Variants in NTM observed in about 807,000 individuals in gnomAD.
NTM encodes the protein neurotrimin, also known as IgLON family member 2.
Under a neutral mutation model 42.1 loss-of-function variants are expected in NTM, and 13 were observed. The observed-to-expected ratio is 0.31, with a 90% CI of 0.20 to 0.49. NTM has a LOEUF of 0.49. Ranked by LOEUF, NTM falls within the 20% of genes least tolerant of loss-of-function variation. The pLI, the probability that NTM is intolerant of heterozygous loss-of-function variation, is 0.99. For missense variants in NTM, 373 were observed against 452.8 expected, an observed-to-expected ratio of 0.82 and a Z score of 1.60; for synonymous variants, 187 against 179.2, an observed-to-expected ratio of 1.04 and a Z score of -0.35.
chr11:131,682,630 C>G (rs567552928), intron 1 of NTM, among the ~76,000 whole-genome samples: 1 of 152,248 alleles, frequency 6.6e-6, no homozygotes, highest in Non-Finnish European at 1.5e-5. Flanking sequence ...TCTCACTTCC[C>G]CTGCAGGCCA....
At chr11:131,876,218 C>T (rs544170330) in intron 1 of NTM, among the ~76,000 whole-genome samples, 201 of 152,314 alleles carry the variant, frequency 1.3e-3, no homozygotes, top group African/African-American at 4.5e-3. Flanking sequence ...CATATGTGTG[C>T]TTCTCCAGCT....
At chr11:131,700,361 C>T (rs1170993566) in intron 1 of NTM, among the ~76,000 whole-genome samples, 1 of 152,192 alleles carries the variant, frequency 6.6e-6, no homozygotes, top group Non-Finnish European at 1.5e-5. Flanking sequence ...ACACTCTCTT[C>T]TCCTCATTCC....
chr11:131,427,065 C>A (rs1044986480), intron 1 of NTM, among the ~76,000 whole-genome samples: 1 of 151,938 alleles, frequency 6.6e-6, no homozygotes, highest in African/African-American at 2.4e-5. Flanking sequence ...CTTGAATAAA[C>A]GACATATGTA....
chr11:131,733,508 T>C (rs2079986698), intron 1 of NTM, among the ~76,000 whole-genome samples: 1 of 149,990 alleles, frequency 6.7e-6, no homozygotes, highest in Non-Finnish European at 1.5e-5. Flanking sequence ...CCTTCCTTCC[T>C]TCCTTCCTTC....
At chr11:131,868,639 C>A (rs2047460656) in intron 1 of NTM, among the ~76,000 whole-genome samples, 1 of 152,206 alleles carries the variant, frequency 6.6e-6, no homozygotes, top group African/African-American at 2.4e-5. Context: ...CTTGCGATGT[C>A]CGTGCACACC....
At chr11:132,123,411 T>C (rs1176366337) in intron 2 of NTM, among the ~76,000 whole-genome samples, 1 of 152,174 alleles carries the variant, frequency 6.6e-6, no homozygotes, top group Non-Finnish European at 1.5e-5. Flanking sequence ...AACACAACCA[T>C]GTCTCTGGAA....
chr11:132,235,276 G>C (rs1307695794), intron 4 of NTM, among the ~76,000 whole-genome samples: 1 of 152,172 alleles, frequency 6.6e-6, no homozygotes, highest in Non-Finnish European at 1.5e-5. Flanking sequence ...TGCATCAATA[G>C]GAAGCAAGGT....
At position 131,601,589 on chromosome 11, in the gene NTM, T is replaced by A. The variant is rs79138337; in HGVS notation, c.82+230701T>A. On this transcript the variant is annotated intron_variant, in intron 1 of 8. Coordinates refer to ENST00000683400, the MANE Select transcript of NTM (RefSeq NM_001352005.2). Reference sequence around the variant, plus strand: ...CCACCTCAAACCCCCTTCCCTCTCCTTTTTTTTTTTTAAGGCAGCCCCAGG... The same window carrying A: ...CCACCTCAAACCCCCTTCCCTCTCCATTTTTTTTTTTAAGGCAGCCCCAGG... Among the ~76,000 whole-genome samples the A allele has an allele frequency of 1.0e-3, 143 of 142,494 alleles. 2 individuals are homozygous for A. The highest frequency in any genetic ancestry group is 3.6e-3 in the African/African-American group (141 of 39,326). 93.5% of individuals were successfully genotyped at this position (142,494 alleles called of 152,430 possible).
chr11:132,279,617 C>T (rs898323545), intron 4 of NTM, among the ~76,000 whole-genome samples: 16 of 152,222 alleles, frequency 1.1e-4, no homozygotes, highest in African/African-American at 3.9e-4. Context: ...GGCTATTCCA[C>T]CTGCCTGGAA....
At chr11:131,490,160 G>A (rs1189601926) in intron 1 of NTM, among the ~76,000 whole-genome samples, 2 of 152,098 alleles carry the variant, frequency 1.3e-5, no homozygotes, top group Non-Finnish European at 2.9e-5. Context: ...CATTCATGAG[G>A]GAACCATCCC....
intron 3 of NTM, among the ~76,000 whole-genome samples, chr11:132,152,093 A>C (rs1325306524): frequency 6.6e-6 from 1 of 152,252 alleles, no homozygotes; most frequent in Non-Finnish European, 1.5e-5. Flanking sequence ...TACACCCTAG[A>C]GACCCCTCCC....
At chr11:132,309,998 G>A in intron 5 of NTM, 114 bp from the exon 6 acceptor site, 1 of 1,318,710 alleles carries the variant, frequency 7.6e-7, no homozygotes, top group South Asian at 1.8e-5. Flanking sequence ...AGAACGTGCA[G>A]TGAGCCAAGA....
intron 2 of NTM, among the ~76,000 whole-genome samples, chr11:131,989,229 C>G (rs2064286577): frequency 6.6e-6 from 1 of 152,068 alleles, no homozygotes; most frequent in Non-Finnish European, 1.5e-5. Flanking sequence ...AGTAGCTGCT[C>G]AAAAACATAC....
chr11:132,309,881 C>A (rs770729651), intron 5 of NTM, among the ~76,000 whole-genome samples: 1 of 152,034 alleles, frequency 6.6e-6, no homozygotes, highest in Non-Finnish European at 1.5e-5. Context: ...CATGGTGAAA[C>A]CCCGTCGCTG....
rs545505759 is a variant in NTM, at chr11:131,795,049, A to G, written c.83-116515A>G. The G allele has an allele frequency of 5.0e-5, 44 of 884,146 alleles. No individual in the cohort carries two copies. The African/African-American group carries it at 5.1e-4, about 10-fold the overall frequency. The allele number at this position is 884,146 out of a possible 1,614,324, so 54.8% of individuals were successfully genotyped here. A position where few individuals can be genotyped will look rare whatever the true frequency, so the allele number is the denominator to read the frequency against. On this transcript the variant is annotated intron_variant, in intron 1 of 8. Coordinates refer to ENST00000683400, the MANE Select transcript of NTM (RefSeq NM_001352005.2). ...GGACCCTGTAGCCAAAGGGGGGGAAAAAAACAGCACTAGTGATGTGGTCTT... is the reference window on the plus strand; with the variant it reads ...GGACCCTGTAGCCAAAGGGGGGGAAGAAAACAGCACTAGTGATGTGGTCTT...
At chr11:132,070,743 A>T (rs5027671) in intron 2 of NTM, among the ~76,000 whole-genome samples, 1 of 122,090 alleles carries the variant, frequency 8.2e-6, no homozygotes, top group Non-Finnish European at 1.8e-5. Context: ...TAACACGTCA[A>T]ACTGACCGTC....
At chr11:131,646,069 G>C (rs1259385625) in intron 1 of NTM, among the ~76,000 whole-genome samples, 1 of 152,360 alleles carries the variant, frequency 6.6e-6, no homozygotes, top group Admixed American at 6.5e-5. Context: ...ATTGATAAGA[G>C]GATAAGCCCA....
At chr11:131,730,840 C>A (rs1041139073) in intron 1 of NTM, among the ~76,000 whole-genome samples, 4 of 152,070 alleles carry the variant, frequency 2.6e-5, no homozygotes, top group African/African-American at 9.7e-5. Flanking sequence ...TTAGAATCAA[C>A]AACCTGCCCA....
intron 2 of NTM, among the ~76,000 whole-genome samples, chr11:131,966,278 C>A (rs866122944): frequency 2.0e-5 from 3 of 152,132 alleles, no homozygotes; most frequent in Admixed American, 2.0e-4. Flanking sequence ...AAAGGCACAG[C>A]TATGAATAGG....
Sources: gnomAD v4.1 joint callset for allele counts (sites outside exome capture counted in the v4.1 genomes callset) on GRCh38, gnomAD v4.1.1 for gene constraint, MANE v1.5 for transcripts, NCBI Gene and HGNC (gene_info 2026-07-23, HGNC 2026-07-21) for gene names.